The following RP1 variants were observed in gnomAD, a reference collection of about 807,000 sequenced individuals.
RP1 encodes oxygen-regulated protein 1.
Under a neutral mutation model 14.8 loss-of-function variants are expected in RP1, and 16 were observed. The ratio of observed to expected loss-of-function variants is 1.08; its 90% confidence interval spans 0.73 to 1.65. The LOEUF is 1.65. RP1 is among the 40% of genes most tolerant of loss of function. RP1 has a pLI of 0.00. For synonymous variants in RP1, 876 were observed against 883.6 expected, an observed-to-expected ratio of 0.99 and a Z score of 0.15; for missense variants, 2,631 against 2,535.0, an observed-to-expected ratio of 1.04 and a Z score of -0.81.
intron 23 of RP1, among the ~76,000 whole-genome samples, chr8:54,776,571 A>T (rs139446211): frequency 4.6e-5 from 7 of 152,366 alleles, no homozygotes; most frequent in Non-Finnish European, 7.3e-5. Flanking sequence ...GAACACCAAA[A>T]GATGACTATA....
At chr8:54,854,012 G>T (rs1479836375) in intron 26 of RP1, among the ~76,000 whole-genome samples, 2 of 151,772 alleles carry the variant, frequency 1.3e-5, no homozygotes, top group East Asian at 3.9e-4. Context: ...GAAAAGAAAT[G>T]AAGGAAAGAA....
chr8:54,794,006 A>T (rs1197080358), intron 24 of RP1, among the ~76,000 whole-genome samples: 4 of 151,918 alleles, frequency 2.6e-5, no homozygotes, highest in Non-Finnish European at 4.4e-5. Flanking sequence ...AATCTGTTGC[A>T]TTTTCATACA....
At chr8:54,802,243 G>T (rs1365067062) in intron 24 of RP1, among the ~76,000 whole-genome samples, 2 of 152,094 alleles carry the variant, frequency 1.3e-5, no homozygotes, top group Non-Finnish European at 2.9e-5. Flanking sequence ...GGTAAAAATA[G>T]CCTTGTAATG....
intron 1 of RP1, among the ~76,000 whole-genome samples, chr8:54,610,571 G>A (rs1805567413): frequency 6.6e-6 from 1 of 152,116 alleles, no homozygotes; most frequent in African/African-American, 2.4e-5. Context: ...TTTTCAAGGT[G>A]ATATTCACTA....
intron 19 of RP1, among the ~76,000 whole-genome samples, chr8:54,752,695 G>A (rs1413816097): frequency 6.6e-6 from 1 of 152,102 alleles, no homozygotes; most frequent in African/African-American, 2.4e-5. Context: ...CCACACACTT[G>A]CATACCCCCC....
At chr8:54,785,734 G>A (rs1012172034) in intron 24 of RP1, among the ~76,000 whole-genome samples, 9 of 152,038 alleles carry the variant, frequency 5.9e-5, no homozygotes, top group South Asian at 2.1e-4. Flanking sequence ...CCTAGTGGAT[G>A]CGAAATAGTA....
chr8:54,702,051 T>C (rs1038699874), intron 14 of RP1, among the ~76,000 whole-genome samples: 2 of 152,186 alleles, frequency 1.3e-5, no homozygotes, highest in African/African-American at 4.8e-5. Context: ...CTTTTTTCTT[T>C]ATGTGTTTGT....
At chr8:54,673,014 A>AT (rs1807212189) in intron 7 of RP1, among the ~76,000 whole-genome samples, 1 of 152,134 alleles carries the variant, frequency 6.6e-6, no homozygotes, top group South Asian at 2.1e-4. Flanking sequence ...CATGAACAGT[A>AT]TTTTTTTATT....
At chr8:54,636,575 T>A (rs1238525166) in intron 3 of RP1, among the ~76,000 whole-genome samples, 2 of 152,178 alleles carry the variant, frequency 1.3e-5, no homozygotes, top group South Asian at 2.1e-4. Context: ...CGTTCTTTAC[T>A]AAAAATATAA....
At chr8:54,824,131 GTGTT>G (rs1811328158) in intron 24 of RP1, among the ~76,000 whole-genome samples, 1 of 133,860 alleles carries the variant, frequency 7.5e-6, no homozygotes, top group African/African-American at 2.7e-5. Flanking sequence ...GATTGTTTGT[GTGTT>G]TTTTTTTTAA....
intron 13 of RP1, among the ~76,000 whole-genome samples, chr8:54,699,734 T>C (rs1488653063): frequency 6.6e-6 from 1 of 152,184 alleles, no homozygotes; most frequent in Non-Finnish European, 1.5e-5. Flanking sequence ...GCATAAATGG[T>C]TCCAAATTTC....
At position 54,869,788 on chromosome 8, in the gene RP1, G is replaced by A. The variant is rs559483560; in HGVS notation, c.4152-55G>A. 595 of 644,340 alleles carry A rather than the reference G, an allele frequency of 9.2e-4. No individual in the cohort carries two copies. The Middle Eastern group carries it at 0.021, about 23-fold the overall frequency. 39.9% of individuals were successfully genotyped at this position (644,340 alleles called of 1,614,324 possible). A position where few individuals can be genotyped will look rare whatever the true frequency, so the allele number is the denominator to read the frequency against. On this transcript the variant is annotated intron_variant, in intron 28 of 28. Transcript: ENST00000637698. The stretch of plus-strand genomic sequence containing the variant: ...TGTTTTTTTTTCCTTTCTAACTAAT[G>A]AGCCTCCTTTCAATGCTCTCTCATA...
chr8:54,767,020 A>G (rs1809776841), intron 22 of RP1, among the ~76,000 whole-genome samples: 1 of 152,162 alleles, frequency 6.6e-6, no homozygotes. Flanking sequence ...AACTTGCTTC[A>G]CTATCCAAGG....
chr8:54,852,824 A>T, intron 26 of RP1: 2 of 903,382 alleles, frequency 2.2e-6, no homozygotes, highest in Non-Finnish European at 2.9e-6. Flanking sequence ...TGAGATGCTC[A>T]GTTGATTCCT....
intron 14 of RP1, among the ~76,000 whole-genome samples, chr8:54,705,052 C>G (rs1432190976): frequency 6.6e-6 from 1 of 152,012 alleles, no homozygotes; most frequent in Non-Finnish European, 1.5e-5. Flanking sequence ...AAATTTATTT[C>G]TTCAGATGTC....
At chr8:54,601,036 C>T (rs893705083) in intron 1 of RP1, among the ~76,000 whole-genome samples, 6 of 152,108 alleles carry the variant, frequency 3.9e-5, no homozygotes, top group Admixed American at 6.5e-5. Flanking sequence ...AATAGGGAGA[C>T]GTGGTCTCCT....
chr8:54,718,626 A>G (rs1808463151), intron 15 of RP1, among the ~76,000 whole-genome samples: 1 of 152,214 alleles, frequency 6.6e-6, no homozygotes, highest in Non-Finnish European at 1.5e-5. Context: ...CAGTAGGTGA[A>G]TGTGTAAATT....
Position 54,630,077 on chromosome 8 carries a change from CGAT to C in RP1, c.6198_6200del (p.Asp2066del), listed in dbSNP as rs1806210601. ...AGACAAATGAAATCTTTAAAGCAGT[CGAT>C]GAGAATAACAACTTATTAAATAACA... On this transcript the variant is annotated inframe_deletion, in exon 4 of 4. Transcript: ENST00000220676. 6.2e-6 allele frequency: 10 copies of C among 1,613,684 alleles called. No homozygotes were observed. The highest frequency in any genetic ancestry group is 1.7e-5 in the Admixed American group (1 of 59,990).
Position 54,627,412 on chromosome 8 carries a change from ATGACT to A in RP1, c.3534_3538del (p.Asp1178GlufsTer19). 6.2e-7 allele frequency: 1 copy of A among 1,614,186 alleles called. No individual in the cohort carries two copies. Among genetic ancestry groups the A allele is most frequent in the Non-Finnish European group, 8.5e-7 (1 of 1,179,988 alleles). ...CACATAGCTATCACAGAGGAAGCTG[ATGACT>A]TGAAAGCTGCTGTTGCCAATTTAGT... On this transcript the variant is annotated frameshift_variant, in exon 4 of 4. Transcript: ENST00000220676. LOFTEE classifies it low-confidence loss of function (END_TRUNC).
Sources: allele counts gnomAD v4.1 joint callset (sites outside exome capture counted in the v4.1 genomes callset), GRCh38; gene constraint gnomAD v4.1.1; transcripts MANE v1.5; gene names NCBI Gene and HGNC (gene_info 2026-07-23, HGNC 2026-07-21).